Variants in EPHA6 observed in about 807,000 individuals in gnomAD.
The protein encoded by EPHA6 is EPH receptor A6, also known as ephrin type-A receptor 6.
In EPHA6, 50 loss-of-function variants were observed where a neutral mutation model predicts 112.0. The observed-to-expected ratio is 0.45, with a 90% CI of 0.36 to 0.56. EPHA6 has a LOEUF of 0.56. Ranked by LOEUF, EPHA6 falls within the 20% of genes least tolerant of loss-of-function variation. The pLI is 0.00. For synonymous variants in EPHA6, 529 were observed against 490.7 expected, an observed-to-expected ratio of 1.08 and a Z score of -1.03; for missense variants, 1,280 against 1,417.4, an observed-to-expected ratio of 0.90 and a Z score of 1.56.
intron 3 of EPHA6, among the ~76,000 whole-genome samples, chr3:97,016,449 A>G (rs2107963515): frequency 6.6e-6 from 1 of 152,294 alleles, no homozygotes; most frequent in African/African-American, 2.4e-5. Flanking sequence ...TTAAATATAA[A>G]AAGTTCTAAT....
chr3:97,288,559 C>A (rs2080558372), intron 5 of EPHA6, among the ~76,000 whole-genome samples: 1 of 152,064 alleles, frequency 6.6e-6, no homozygotes, highest in Non-Finnish European at 1.5e-5. Flanking sequence ...GTGCATGTAT[C>A]TTTTTAGTAG....
chr3:96,853,959 T>C (rs2035542070), intron 1 of EPHA6, among the ~76,000 whole-genome samples: 1 of 152,042 alleles, frequency 6.6e-6, no homozygotes, highest in Admixed American at 6.6e-5. Context: ...ACTTAAAGAT[T>C]TTCTTATAGT....
At chr3:97,729,457 C>A (rs961888371) in intron 15 of EPHA6, among the ~76,000 whole-genome samples, 1 of 151,976 alleles carries the variant, frequency 6.6e-6, no homozygotes, top group Non-Finnish European at 1.5e-5. Flanking sequence ...AGAATATGTG[C>A]AGGGGGACTG....
intron 5 of EPHA6, among the ~76,000 whole-genome samples, chr3:97,282,893 A>G (rs188713938): frequency 1.3e-5 from 2 of 152,324 alleles, no homozygotes; most frequent in East Asian, 3.9e-4. Context: ...AGGGCTTAAT[A>G]TCTAGGTGAT....
intron 3 of EPHA6, among the ~76,000 whole-genome samples, chr3:97,163,996 C>T (rs1175521323): frequency 1.3e-5 from 2 of 152,182 alleles, no homozygotes; most frequent in Non-Finnish European, 2.9e-5. Context: ...CTTGTGGGTA[C>T]ACACAGATGC....
In EPHA6 at chr3:96,897,656, G is replaced by A. The variant is rs557925547; in HGVS notation, c.450+30767G>A. ...TGTTAACAAGTATAAACAGAAAGTCGAATGCAGCTACATATATAGAGAAAA... is the reference window on the plus strand; with the variant it reads ...TGTTAACAAGTATAAACAGAAAGTCAAATGCAGCTACATATATAGAGAAAA... On this transcript the variant is annotated intron_variant, in intron 2 of 17. Coordinates refer to ENST00000389672, the MANE Select transcript of EPHA6 (RefSeq NM_001080448.3). Among the ~76,000 whole-genome samples, 5 of 152,146 alleles carry A rather than the reference G, an allele frequency of 3.3e-5. No homozygotes were observed. In the East Asian group the frequency reaches 5.8e-4, roughly 18 times the overall value.
At chr3:96,932,990 G>A (rs2040402215) in intron 2 of EPHA6, among the ~76,000 whole-genome samples, 1 of 152,060 alleles carries the variant, frequency 6.6e-6, no homozygotes, top group African/African-American at 2.4e-5. Context: ...GTGGTACAGG[G>A]TGCAGAGTCT....
intron 3 of EPHA6, among the ~76,000 whole-genome samples, chr3:97,205,660 A>G (rs1432413077): frequency 6.6e-6 from 1 of 152,046 alleles, no homozygotes; most frequent in Non-Finnish European, 1.5e-5. Context: ...CTTGGAATCA[A>G]TACCCCACTT....
intron 4 of EPHA6, among the ~76,000 whole-genome samples, chr3:97,228,435 T>C (rs2078423755): frequency 6.6e-6 from 1 of 152,084 alleles, no homozygotes; most frequent in Admixed American, 6.6e-5. Flanking sequence ...CATTCCTGAA[T>C]TACTTCACTT....
rs2036134513 is a variant in EPHA6, at chr3:97,760,502, G to T, written c.*11801G>T. On this transcript the variant is annotated 3_prime_UTR_variant, in exon 18 of 18. Coordinates refer to ENST00000389672, the MANE Select transcript of EPHA6 (RefSeq NM_001080448.3). The stretch of plus-strand genomic sequence containing the variant: ...GATGTGAAATTAGATTGTGAATAAT[G>T]GAGATTGCTCTCCATTTTTTGCTGT... The T allele has an allele frequency of 5.6e-6, 1 of 177,678 alleles. No homozygotes were observed. Among genetic ancestry groups the T allele is most frequent in the African/African-American group, 2.4e-5 (1 of 42,156 alleles). The allele number at this position is 177,678 out of a possible 1,614,324, so 11.0% of individuals were successfully genotyped here.
chr3:97,754,470 T>C lies in EPHA6; in HGVS notation c.*5769T>C, dbSNP rs1340837078. Among the ~76,000 whole-genome samples the C allele has an allele frequency of 6.6e-6, 1 of 152,204 alleles. No individual in the cohort carries two copies. The highest frequency in any genetic ancestry group is 1.5e-5 in the Non-Finnish European group (1 of 68,042). ...TTTTGTTTTATTAGCATTTACTTTT[T>C]GAGATTTTACAATATATTTGGAACT... On this transcript the variant is annotated 3_prime_UTR_variant, in exon 18 of 18. Transcript: ENST00000389672.
chr3:97,606,926 G>T (rs897738202), intron 12 of EPHA6, among the ~76,000 whole-genome samples: 4 of 151,004 alleles, frequency 2.6e-5, no homozygotes, highest in African/African-American at 9.7e-5. Flanking sequence ...TTTTTACAGT[G>T]ATAATCTAAG....
intron 1 of EPHA6, among the ~76,000 whole-genome samples, chr3:96,847,691 A>C (rs2035151104): frequency 6.6e-6 from 1 of 152,146 alleles, no homozygotes; most frequent in Admixed American, 6.6e-5. Context: ...CTAGGGAATA[A>C]ATTGTATGAA....
At chr3:97,570,404 T>C (rs1370605973) in intron 11 of EPHA6, among the ~76,000 whole-genome samples, 4 of 152,018 alleles carry the variant, frequency 2.6e-5, no homozygotes, top group Non-Finnish European at 4.4e-5. Flanking sequence ...AAACATTAGG[T>C]TTATATGGGG....
At position 97,024,715 on chromosome 3, in the gene EPHA6, A is replaced by G. The variant is rs184745042; in HGVS notation, c.1114+36722A>G. ...TATTTAAAGATATTTCATTGAACATATTGGACACAGTTTCTTCCTGCAAAG... is the reference window on the plus strand; with the variant it reads ...TATTTAAAGATATTTCATTGAACATGTTGGACACAGTTTCTTCCTGCAAAG... On this transcript the variant is annotated intron_variant, in intron 3 of 17. Coordinates refer to ENST00000389672, the MANE Select transcript of EPHA6 (RefSeq NM_001080448.3). Among the ~76,000 whole-genome samples the G allele has an allele frequency of 3.9e-5, 6 of 152,284 alleles. No homozygotes were observed. The East Asian group carries it at 1.2e-3, about 29-fold the overall frequency.
intron 5 of EPHA6, among the ~76,000 whole-genome samples, chr3:97,346,700 A>G (rs368415738): frequency 7.4e-4 from 112 of 151,516 alleles, no homozygotes; most frequent in African/African-American, 2.4e-3. Context: ...CTAGTCACAT[A>G]GCTAAATACA....
At chr3:96,977,826 C>A (rs1378524332) in intron 2 of EPHA6, among the ~76,000 whole-genome samples, 1 of 152,110 alleles carries the variant, frequency 6.6e-6, no homozygotes, top group African/African-American at 2.4e-5. Context: ...ATTACACATA[C>A]TGTATTCTTA....
At chr3:97,022,854 CA>C (rs1308784355) in intron 3 of EPHA6, among the ~76,000 whole-genome samples, 1 of 152,178 alleles carries the variant, frequency 6.6e-6, no homozygotes, top group Non-Finnish European at 1.5e-5. Flanking sequence ...CTGATCCTAG[CA>C]TACCTTTTCT....
chr3:97,669,595 TAAAAA>T (rs77846776), intron 14 of EPHA6, among the ~76,000 whole-genome samples: 1 of 135,830 alleles, frequency 7.4e-6, no homozygotes, highest in Non-Finnish European at 1.6e-5. Flanking sequence ...TATCCCATCT[TAAAAA>T]AAAAAAAAAA....
Sources: gnomAD v4.1 joint callset for allele counts (sites outside exome capture counted in the v4.1 genomes callset) on GRCh38, gnomAD v4.1.1 for gene constraint, MANE v1.5 for transcripts, NCBI Gene and HGNC (gene_info 2026-07-23, HGNC 2026-07-21) for gene names.